The following DCTN5 variants were observed in gnomAD, a reference collection of about 807,000 sequenced individuals.
DCTN5 encodes the protein dynactin 4.
A neutral mutation model predicts 23.5 loss-of-function variants in DCTN5; 14 were observed. That is an observed-to-expected ratio of 0.60 (90% confidence interval 0.39 to 0.93). The LOEUF is 0.93. Ranked by LOEUF, DCTN5 falls within the 40% of genes least tolerant of loss-of-function variation. DCTN5 has a pLI of 0.00. For synonymous variants in DCTN5, 67 were observed against 79.6 expected, an observed-to-expected ratio of 0.84 and a Z score of 0.84; for missense variants, 156 against 225.9, an observed-to-expected ratio of 0.69 and a Z score of 1.98.
At chr16:23,650,480 AT>A (rs528424379) in intron 2 of DCTN5, among the ~76,000 whole-genome samples, 305 of 133,886 alleles carry the variant, frequency 2.3e-3, no homozygotes, top group Middle Eastern at 3.8e-3. Context: ...CACCTGGCTA[AT>A]TTTTTTTTTT....
chr16:23,649,558 A>G (rs1048629232), intron 2 of DCTN5, among the ~76,000 whole-genome samples: 10 of 152,060 alleles, frequency 6.6e-5, no homozygotes, highest in African/African-American at 1.9e-4. Flanking sequence ...ATTTTAAGTT[A>G]TAGACCAGGT....
At chr16:23,652,421 G>A (rs1052969119) in intron 2 of DCTN5, among the ~76,000 whole-genome samples, 15 of 151,356 alleles carry the variant, frequency 9.9e-5, no homozygotes, top group Non-Finnish European at 1.6e-4. Flanking sequence ...CCCAACAGCC[G>A]AACAGTCACC....
rs995318285 is a variant in DCTN5 at position 23,676,971 on chromosome 16, A to G, written c.*9827A>G. ...GATTTTCATATGTGTTAGGCAGAGGATGAGGTGAGCAGCTCCCAATGAGAA... is the reference window on the plus strand; with the variant it reads ...GATTTTCATATGTGTTAGGCAGAGGGTGAGGTGAGCAGCTCCCAATGAGAA... On this transcript the variant is annotated 3_prime_UTR_variant, in exon 6 of 6. Transcript: ENST00000300087. 1 of 152,224 alleles carries G rather than the reference A, an allele frequency of 6.6e-6. No homozygotes were observed. The highest frequency in any genetic ancestry group is 1.5e-5 in the Non-Finnish European group (1 of 68,072). 9.4% of individuals were successfully genotyped at this position (152,224 alleles called of 1,614,324 possible).
At position 23,676,455 on chromosome 16, in the gene DCTN5, G is replaced by A. The variant is rs1468883204; in HGVS notation, c.*9311G>A. The A allele has an allele frequency of 6.6e-6, 1 of 152,408 alleles. No homozygotes were observed. Among genetic ancestry groups the A allele is most frequent in the East Asian group, 1.9e-4 (1 of 5,198 alleles). The allele number at this position is 152,408 out of a possible 1,614,324, so 9.4% of individuals were successfully genotyped here. A position where few individuals can be genotyped will look rare whatever the true frequency, so the allele number is the denominator to read the frequency against. On this transcript the variant is annotated 3_prime_UTR_variant, in exon 6 of 6. Transcript: ENST00000300087. Reference sequence around the variant, plus strand: ...ACCTGTAGTCCCAGCTACTCGGGAGGCTGAGGCAGGAGAATCGCTTGAACC... The same window carrying A: ...ACCTGTAGTCCCAGCTACTCGGGAGACTGAGGCAGGAGAATCGCTTGAACC...
At chr16:23,663,479 C>T (rs769691005) in intron 4 of DCTN5, among the ~76,000 whole-genome samples, 22 of 151,936 alleles carry the variant, frequency 1.4e-4, no homozygotes, top group Non-Finnish European at 2.6e-4. Flanking sequence ...TTTGGGAGGC[C>T]GAGGCAGGAG....
At position 23,661,637 on chromosome 16, in the gene DCTN5, G is replaced by A. The variant is rs182892691; in HGVS notation, c.348+356G>A. Reference sequence around the variant, plus strand: ...GGAGGCTGAGGCAGGAAAATCACTTGAACCCAGGAGGCGGAGGTTGCAATG... The same window carrying A: ...GGAGGCTGAGGCAGGAAAATCACTTAAACCCAGGAGGCGGAGGTTGCAATG... On this transcript the variant is annotated intron_variant, in intron 4 of 5. Transcript: ENST00000300087. Among the ~76,000 whole-genome samples, 184 of 152,150 alleles carry A rather than the reference G, an allele frequency of 1.2e-3. 2 individuals are homozygous for A. Among genetic ancestry groups the A allele is most frequent in the African/African-American group, 4.1e-3 (170 of 41,496 alleles).
At chr16:23,643,979 A>C (rs1278052995) in intron 2 of DCTN5, among the ~76,000 whole-genome samples, 1 of 152,108 alleles carries the variant, frequency 6.6e-6, no homozygotes, top group Non-Finnish European at 1.5e-5. Context: ...TACATCTCTA[A>C]CTTCCAGAAG....
At chr16:23,665,031 G>T (rs943010542) in intron 4 of DCTN5, among the ~76,000 whole-genome samples, 1 of 152,166 alleles carries the variant, frequency 6.6e-6, no homozygotes, top group Non-Finnish European at 1.5e-5. Flanking sequence ...CTCCCAGGCA[G>T]GTTCTTCCTT....
intron 1 of DCTN5, chr16:23,642,665 T>G (rs920188651): frequency 1.8e-4 from 48 of 260,754 alleles, no homozygotes; most frequent in African/African-American, 4.9e-4. Context: ...AAATTTTTTT[T>G]TTGTTGAGAA....
rs761582946 is a variant in DCTN5 at position 23,641,578 on chromosome 16, G to C, written c.36G>C (p.Glu12Asp). Residue 12 changes from glutamate to aspartate, a missense_variant, in exon 1 of 6, where the codon GAG becomes GAC. Glu to Asp is a conservative substitution (Grantham distance 45). Transcript: ENST00000300087. Reference protein sequence around the residue: ...ELGELLYNKSEYIETASGNKV... With the variant: ...ELGELLYNKSDYIETASGNKV... Reference sequence around the variant, plus strand: ...GCGAGCTGCTCTACAACAAGTCTGAGTACATCGAGACGGTGCGCGGGTCCA... The same window carrying C: ...GCGAGCTGCTCTACAACAAGTCTGACTACATCGAGACGGTGCGCGGGTCCA... 7 of 1,614,054 alleles carry C rather than the reference G, an allele frequency of 4.3e-6. No individual in the cohort carries two copies. In the Admixed American group the frequency reaches 1.2e-4, roughly 27 times the overall value.
intron 4 of DCTN5, among the ~76,000 whole-genome samples, chr16:23,662,526 G>A (rs1259322195): frequency 6.6e-6 from 1 of 152,178 alleles, no homozygotes; most frequent in East Asian, 1.9e-4. Flanking sequence ...TAGATTCTAG[G>A]AAAAGCCAAG....
In DCTN5 at chr16:23,677,408, CA is replaced by C. The variant is rs753459765; in HGVS notation, c.*10265del. The C allele has an allele frequency of 1.3e-5, 2 of 152,182 alleles. No homozygotes were observed. Among genetic ancestry groups the C allele is most frequent in the Non-Finnish European group, 2.9e-5 (2 of 68,038 alleles). The allele number at this position is 152,182 out of a possible 1,614,324, so 9.4% of individuals were successfully genotyped here. A position where few individuals can be genotyped will look rare whatever the true frequency, so the allele number is the denominator to read the frequency against. ...GCTCTATGAACAATTATAATATGTACATTTTTTTCTGTAAGTGTATTAAATT... is the reference window on the plus strand; with the variant it reads ...GCTCTATGAACAATTATAATATGTACTTTTTTTCTGTAAGTGTATTAAATT... On this transcript the variant is annotated 3_prime_UTR_variant, in exon 6 of 6. Transcript: ENST00000300087.
In DCTN5 at chr16:23,665,708, C is replaced by G; in HGVS notation, c.431C>G (p.Thr144Ser). ...CCAGAAACTGTGGTTCCACCATTCA[C>G]TGTCTTCTCAGGCTGCCCAGGTAAC... is the stretch of plus-strand genomic sequence containing the variant. ...LPPETVVPPF[T>S]VFSGCPGLFS... is the part of the protein sequence containing the mutation. The change falls in exon 5 of 6, where the codon ACT (threonine) becomes AGT (serine). Residue 144 changes from threonine (T) to serine (S), a missense_variant. Physicochemically the swap from Thr to Ser is moderately conservative, Grantham distance 58. This residue lies in a region of DCTN5 where 153 missense variants were observed against 206.8 expected (regional missense o/e 0.74). Transcript: ENST00000300087. The G allele has an allele frequency of 6.2e-7, 1 of 1,614,042 alleles. No individual in the cohort carries two copies. The highest frequency in any genetic ancestry group is 8.5e-7 in the Non-Finnish European group (1 of 1,179,966).
rs1968066161 is a variant in DCTN5, at chr16:23,674,992, C to A, written c.*7848C>A. The A allele has an allele frequency of 6.6e-6, 1 of 152,058 alleles. No individual in the cohort carries two copies. The highest frequency in any genetic ancestry group is 2.1e-4 in the South Asian group (1 of 4,818). 9.4% of individuals were successfully genotyped at this position (152,058 alleles called of 1,614,324 possible). A position where few individuals can be genotyped will look rare whatever the true frequency, so the allele number is the denominator to read the frequency against. On this transcript the variant is annotated 3_prime_UTR_variant, in exon 6 of 6. Transcript: ENST00000300087. The stretch of plus-strand genomic sequence containing the variant: ...ATACCACTCAGGTTGGATTAGGGCC[C>A]ATCCTAACAATCCCATTTTAACTTA...
In DCTN5 at chr16:23,665,705, T is replaced by G; in HGVS notation, c.428T>G (p.Phe143Cys). The change falls in exon 5 of 6, where the codon TTC becomes TGC. Residue 143 changes from phenylalanine (F) to cysteine (C), a missense_variant. Coordinates refer to ENST00000300087, the MANE Select transcript of DCTN5 (RefSeq NM_032486.4). ...CCTCCAGAAACTGTGGTTCCACCAT[T>G]CACTGTCTTCTCAGGCTGCCCAGGT... ...VLPPETVVPP[F>C]TVFSGCPGLF... The G allele has an allele frequency of 6.2e-7, 1 of 1,614,050 alleles. No individual in the cohort carries two copies. The highest frequency in any genetic ancestry group is 8.5e-7 in the Non-Finnish European group (1 of 1,179,992).
Position 23,663,723 on chromosome 16 carries a change from C to CA in DCTN5, c.349-1893dup, listed in dbSNP as rs372089273. On this transcript the variant is annotated intron_variant, in intron 4 of 5. Coordinates refer to ENST00000300087, the MANE Select transcript of DCTN5 (RefSeq NM_032486.4). Reference sequence around the variant, plus strand: ...AGAGTGAGACTCTGTCCCCCGCCACCAAAAAAAAAAGAAGTTTCAGCTTTT... The same window carrying CA: ...AGAGTGAGACTCTGTCCCCCGCCACCAAAAAAAAAAAGAAGTTTCAGCTTTT... Among the ~76,000 whole-genome samples, 250 of 145,644 alleles carry CA rather than the reference C, an allele frequency of 1.7e-3. 2 individuals are homozygous for CA. The highest frequency in any genetic ancestry group is 5.3e-3 in the African/African-American group (211 of 39,844).
chr16:23,654,382 G>A (rs763428293), intron 2 of DCTN5, among the ~76,000 whole-genome samples: 27 of 152,296 alleles, frequency 1.8e-4, no homozygotes, highest in Middle Eastern at 3.4e-3. Flanking sequence ...CAGGGACATG[G>A]ATGGAGCTGG....
rs185031411 is a variant in DCTN5, at chr16:23,659,170, A to T, written c.236+545A>T. ...ACTAGAGATCTTATGTGTTACTTCC[A>T]AACTCTTGAGAGAGAGAATCTGATT... On this transcript the variant is annotated intron_variant, in intron 3 of 5. Coordinates refer to ENST00000300087, the MANE Select transcript of DCTN5 (RefSeq NM_032486.4). Among the ~76,000 whole-genome samples the T allele has an allele frequency of 6.0e-4, 91 of 152,278 alleles. 1 individual carries two copies. Among genetic ancestry groups the T allele is most frequent in the South Asian group, 1.7e-3 (8 of 4,826 alleles).
At chr16:23,658,396 C>A in intron 2 of DCTN5, 111 bp from the exon 3 acceptor site, 1 of 755,042 alleles carries the variant, frequency 1.3e-6, no homozygotes, top group Non-Finnish European at 2.3e-6. Context: ...TTGAAACATT[C>A]TGTCAGAGTG....
Sources: gnomAD v4.1 joint callset for allele counts (sites outside exome capture counted in the v4.1 genomes callset) on GRCh38, gnomAD v4.1.1 for gene constraint, gnomAD v4.1.1 regional missense constraint, MANE v1.5 for transcripts, NCBI Gene and HGNC (gene_info 2026-07-23, HGNC 2026-07-21) for gene names.